ITPK1: variants seen among roughly 807,000 people sequenced by gnomAD.
The protein encoded by ITPK1 is inositol 1,3,4-trisphosphate 5/6-kinase.
In ITPK1, 21 loss-of-function variants were observed where a neutral mutation model predicts 45.3. The observed-to-expected ratio is 0.46, with a 90% CI of 0.33 to 0.67. ITPK1 has a LOEUF of 0.67. Among genes scored for constraint, ITPK1 ranks in the 30% least tolerant of loss-of-function variants. ITPK1 has a pLI of 0.02. For synonymous variants in ITPK1, 258 were observed against 253.6 expected (o/e 1.02, Z -0.16); for missense variants, 474 against 573.5 (o/e 0.83, Z 1.77).
At chr14:93,045,475 G>A (rs576871331) in intron 3 of ITPK1, among the ~76,000 whole-genome samples, 11 of 152,216 alleles carry the variant, frequency 7.2e-5, no homozygotes, top group Non-Finnish European at 1.6e-4. Context: ...TGGGTGGAGA[G>A]TCTCCCTGAA....
At chr14:93,104,200 T>C (rs1892434061) in intron 2 of ITPK1, among the ~76,000 whole-genome samples, 1 of 152,116 alleles carries the variant, frequency 6.6e-6, no homozygotes, top group Non-Finnish European at 1.5e-5. Flanking sequence ...AAAGAACCCC[T>C]TGAGGCAGGG....
intron 3 of ITPK1, among the ~76,000 whole-genome samples, chr14:93,057,625 G>A (rs1380792205): frequency 1.3e-5 from 2 of 152,216 alleles, no homozygotes; most frequent in Middle Eastern, 3.2e-3. Flanking sequence ...AGAGTGAAAC[G>A]GGACCCATGA....
intron 5 of ITPK1, among the ~76,000 whole-genome samples, chr14:92,977,523 A>G (rs1886008556): frequency 6.6e-6 from 1 of 151,958 alleles, no homozygotes; most frequent in Non-Finnish European, 1.5e-5. Context: ...CCCAAATCTC[A>G]TGTTGAATTG....
chr14:93,017,467 C>G (rs938607525), intron 3 of ITPK1, among the ~76,000 whole-genome samples: 21 of 152,344 alleles, frequency 1.4e-4, no homozygotes, highest in Middle Eastern at 3.4e-3. Context: ...TTGCAAGTGC[C>G]TGAGGTTGGG....
chr14:92,965,031 T>C (rs141519236), intron 5 of ITPK1, among the ~76,000 whole-genome samples: 10 of 152,298 alleles, frequency 6.6e-5, no homozygotes, highest in African/African-American at 2.2e-4. Flanking sequence ...TTTCCCTGCA[T>C]AGAGTTCCAT....
rs1248698886 is a variant in ITPK1, at chr14:92,940,950, C to A, written c.*611G>T. 1.6e-6 allele frequency: 2 copies of A among 1,287,186 alleles called. No homozygotes were observed. Among genetic ancestry groups the A allele is most frequent in the East Asian group, 5.5e-5 (1 of 18,022 alleles). The allele number at this position is 1,287,186 out of a possible 1,614,324, so 79.7% of individuals were successfully genotyped here. ...CTTCCCTTTAGTGAGGGAGCACAGC[C>A]CAGACCCCAGCGCGGAACTCCCCTG... On this transcript the variant is annotated 3_prime_UTR_variant, in exon 11 of 11. Transcript: ENST00000267615.
chr14:92,966,291 C>T lies in ITPK1; in HGVS notation c.365-3442G>A, dbSNP rs74343975. On this transcript the variant is annotated intron_variant, in intron 5 of 10. Coordinates refer to ENST00000267615, the MANE Select transcript of ITPK1 (RefSeq NM_014216.6). The stretch of plus-strand genomic sequence containing the variant: ...ACAGGTGTGAGCTACCATGCCTGGC[C>T]TCAACTGTATTTCTATACCCCAGCA... 7.5e-3 allele frequency among the ~76,000 whole-genome samples: 1,148 copies of T among 152,242 alleles called. 15 individuals are homozygous for T. The highest frequency in any genetic ancestry group is 0.026 in the African/African-American group (1,099 of 41,520).
rs1445641157 is a variant in ITPK1 at position 92,938,593 on chromosome 14, C to T, written c.*2968G>A. 5 of 1,323,652 alleles carry T rather than the reference C, an allele frequency of 3.8e-6. No homozygotes were observed. The highest frequency in any genetic ancestry group is 5.4e-6 in the Non-Finnish European group (5 of 922,902). The allele number at this position is 1,323,652 out of a possible 1,614,324, so 82.0% of individuals were successfully genotyped here. ...TTTATTGACAGGCATGAGACACAGG[C>T]AGGCCCAGGCACAGGAAGCCCCATG... On this transcript the variant is annotated 3_prime_UTR_variant, in exon 11 of 11. Coordinates refer to ENST00000267615, the MANE Select transcript of ITPK1 (RefSeq NM_014216.6).
chr14:93,111,485 C>T (rs563076876), intron 2 of ITPK1, among the ~76,000 whole-genome samples: 89 of 152,086 alleles, frequency 5.9e-4, no homozygotes, highest in Admixed American at 2.0e-3. Flanking sequence ...GCAAGGCAGG[C>T]GGATCACCTG....
chr14:92,940,278 T>C lies in ITPK1; in HGVS notation c.*1283A>G. ...GCTATCTTAAGACACAAAAACATACTTGTGGGGGCTGATGCCTCTCACCCA... is the reference window on the plus strand; with the variant it reads ...GCTATCTTAAGACACAAAAACATACCTGTGGGGGCTGATGCCTCTCACCCA... On this transcript the variant is annotated 3_prime_UTR_variant, in exon 11 of 11. Transcript: ENST00000267615. The C allele has an allele frequency of 1.0e-6, 1 of 987,986 alleles. No individual in the cohort carries two copies. The highest frequency in any genetic ancestry group is 1.2e-6 in the Non-Finnish European group (1 of 831,578). 61.2% of individuals were successfully genotyped at this position (987,986 alleles called of 1,614,324 possible).
chr14:92,985,794 G>T (rs1886459736), intron 5 of ITPK1, among the ~76,000 whole-genome samples: 1 of 152,106 alleles, frequency 6.6e-6, no homozygotes, highest in Admixed American at 6.5e-5. Flanking sequence ...AGCACACAGG[G>T]TGTGGTCTGA....
intron 2 of ITPK1, among the ~76,000 whole-genome samples, chr14:93,090,716 G>A (rs1383370317): frequency 1.3e-5 from 2 of 152,206 alleles, no homozygotes; most frequent in East Asian, 1.9e-4. Context: ...GGGGACCTGA[G>A]GGATAAGACT....
chr14:92,998,734 A>C (rs965731165), intron 4 of ITPK1, among the ~76,000 whole-genome samples: 1 of 152,210 alleles, frequency 6.6e-6, no homozygotes, highest in Non-Finnish European at 1.5e-5. Flanking sequence ...TGCACCCCTA[A>C]GTGTGCCAGA....
At chr14:93,090,026 G>A (rs896052623) in intron 2 of ITPK1, among the ~76,000 whole-genome samples, 5 of 152,096 alleles carry the variant, frequency 3.3e-5, no homozygotes, top group Admixed American at 2.0e-4. Flanking sequence ...AGGCCACCAG[G>A]CGGTCTCCCT....
chr14:93,072,632 T>C (rs978940888), intron 3 of ITPK1, among the ~76,000 whole-genome samples: 4 of 141,266 alleles, frequency 2.8e-5, no homozygotes, highest in Non-Finnish European at 6.1e-5. Context: ...TTTTTTTTTT[T>C]GAGACAGTGT....
At chr14:92,970,351 G>A (rs1277152997) in intron 5 of ITPK1, among the ~76,000 whole-genome samples, 4 of 152,194 alleles carry the variant, frequency 2.6e-5, no homozygotes, top group African/African-American at 9.6e-5. Flanking sequence ...GGGAGGCCTG[G>A]CACACGACAG....
chr14:92,993,535 G>A lies in ITPK1; in HGVS notation c.364+345C>T, dbSNP rs1277232337. ...CTGTTTGTGTCCTCCGCGCAGTTACGTAACTCCACTTGCTTGCCTGCCACT... is the reference window on the plus strand; with the variant it reads ...CTGTTTGTGTCCTCCGCGCAGTTACATAACTCCACTTGCTTGCCTGCCACT... On this transcript the variant is annotated intron_variant, in intron 5 of 10. Transcript: ENST00000267615. 3.9e-5 allele frequency among the ~76,000 whole-genome samples: 6 copies of A among 152,130 alleles called. No homozygotes were observed. In the South Asian group the frequency reaches 1.2e-3, roughly 32 times the overall value.
rs1042679616 is a variant in ITPK1 at position 92,982,962 on chromosome 14, C to T, written c.364+10918G>A. Among the ~76,000 whole-genome samples, 4 of 152,258 alleles carry T rather than the reference C, an allele frequency of 2.6e-5. 1 individual carries two copies. The highest frequency in any genetic ancestry group is 6.8e-3 in the Middle Eastern group (2 of 294). ...GCTGTGGAGAGAAAACACTGGAGGA[C>T]GAGAAGAGAAGACAACAAATGCCAC... On this transcript the variant is annotated intron_variant, in intron 5 of 10. Transcript: ENST00000267615.
intron 5 of ITPK1, among the ~76,000 whole-genome samples, chr14:92,992,333 A>G (rs1323535295): frequency 6.6e-6 from 1 of 152,212 alleles, no homozygotes; most frequent in Non-Finnish European, 1.5e-5. Flanking sequence ...ACTGAGATGA[A>G]GGTGACCCCA....
Sources: allele counts gnomAD v4.1 joint callset (sites outside exome capture counted in the v4.1 genomes callset), GRCh38; gene constraint gnomAD v4.1.1; transcripts MANE v1.5; gene names NCBI Gene and HGNC (gene_info 2026-07-23, HGNC 2026-07-21).